SH2B1: variants seen among roughly 807,000 people sequenced by gnomAD.
SH2B1 encodes the protein SH2B adaptor protein 1, also known as SH2B adapter protein 1.
A neutral mutation model predicts 62.6 loss-of-function variants in SH2B1; 15 were observed. That is an observed-to-expected ratio of 0.24 (90% confidence interval 0.16 to 0.37). SH2B1 has a LOEUF of 0.37. SH2B1 is among the 10% of genes least tolerant of loss of function. SH2B1 has a pLI of 1.00. For synonymous variants in SH2B1, 443 were observed against 438.0 expected, an observed-to-expected ratio of 1.01 and a Z score of -0.14; for missense variants, 925 against 1,015.6, an observed-to-expected ratio of 0.91 and a Z score of 1.21.
intron 1 of SH2B1, 80 bp downstream of exon 1, chr16:28,867,113 G>A: frequency 6.4e-7 from 1 of 1,574,254 alleles, no homozygotes; most frequent in Non-Finnish European, 8.6e-7. Flanking sequence ...GATAAGCTCT[G>A]GGGTTTACCA....
rs1048129950 is a variant in SH2B1, at chr16:28,865,353, C to T, written c.-742C>T. Reference sequence around the variant, plus strand: ...TTTCAAGACAATTACTGTTTTGGTCCATCATGCATCCATCCTCATTAATGA... The same window carrying T: ...TTTCAAGACAATTACTGTTTTGGTCTATCATGCATCCATCCTCATTAATGA... On this transcript the variant is annotated 5_prime_UTR_variant, in exon 1 of 8. Transcript: ENST00000684370. 3 of 985,542 alleles carry T rather than the reference C, an allele frequency of 3.0e-6. No homozygotes were observed. Among genetic ancestry groups the T allele is most frequent in the South Asian group, 4.7e-5 (1 of 21,294 alleles). The allele number at this position is 985,542 out of a possible 1,614,324, so 61.0% of individuals were successfully genotyped here.
chr16:28,863,651 T>A, upstream of SH2B1: 2 of 1,529,984 alleles, frequency 1.3e-6, no homozygotes, highest in Non-Finnish European at 1.8e-6. Flanking sequence ...CCCCGCTGCG[T>A]CTGTGGTCGC....
upstream of SH2B1, among the ~76,000 whole-genome samples, chr16:28,860,533 G>A (rs1003535994): frequency 2.0e-5 from 3 of 151,556 alleles, no homozygotes; most frequent in Non-Finnish European, 4.4e-5. Flanking sequence ...GGGAGCCACC[G>A]TGCCCAGCCT....
chr16:28,872,875 C>A lies in SH2B1; in HGVS notation c.1897+170C>A, dbSNP rs149143673. ...TCGGGGTTTGGAAGGGAAAGAAATG[C>A]GCTGATAGGACACAGGAAGGCAGAA... On this transcript the variant is annotated intron_variant, in intron 7 of 7. Transcript: ENST00000684370. The surrounding 1 kb of genome is among the most constrained non-coding windows in gnomAD (Gnocchi z 5.3). 8.7e-6 allele frequency: 8 copies of A among 922,850 alleles called. No homozygotes were observed. The highest frequency in any genetic ancestry group is 1.3e-5 in the Non-Finnish European group (8 of 599,396). 57.2% of individuals were successfully genotyped at this position (922,850 alleles called of 1,614,324 possible).
Position 28,872,826 on chromosome 16 carries a change from C to G in SH2B1, c.1897+121C>G. The stretch of plus-strand genomic sequence containing the variant: ...CAAGGAGAAGCTTTGCTTGGGAGAG[C>G]AGGGTAGAGGAGGCTGTTGTGCCTC... On this transcript the variant is annotated intron_variant, in intron 7 of 7. Coordinates refer to ENST00000684370, the MANE Select transcript of SH2B1 (RefSeq NM_001387430.1). The surrounding 1 kb of genome is among the most constrained non-coding windows in gnomAD (Gnocchi z 5.3). 1 of 1,326,706 alleles carries G rather than the reference C, an allele frequency of 7.5e-7. No individual in the cohort carries two copies. The highest frequency in any genetic ancestry group is 1.1e-6 in the Non-Finnish European group (1 of 942,810). The allele number at this position is 1,326,706 out of a possible 1,614,324, so 82.2% of individuals were successfully genotyped here.
intron 1 of SH2B1, among the ~76,000 whole-genome samples, chr16:28,850,898 G>T (rs953510943): frequency 2.0e-5 from 3 of 150,456 alleles, no homozygotes; most frequent in Non-Finnish European, 3.0e-5. Context: ...AAAAGGGCCG[G>T]ACGTGGTGGC....
upstream of SH2B1, chr16:28,863,720 T>G: frequency 6.5e-7 from 1 of 1,535,776 alleles, no homozygotes; most frequent in African/African-American, 1.4e-5. Context: ...GTCTTCGGTC[T>G]CCTGGGGTCG....
rs1428985774 is a variant in SH2B1 at position 28,865,926 on chromosome 16, C to T, written c.-169C>T. 10 of 1,416,026 alleles carry T rather than the reference C, an allele frequency of 7.1e-6. No individual in the cohort carries two copies. The East Asian group carries it at 1.6e-4, about 22-fold the overall frequency. The allele number at this position is 1,416,026 out of a possible 1,614,324, so 87.7% of individuals were successfully genotyped here. A position where few individuals can be genotyped will look rare whatever the true frequency, so the allele number is the denominator to read the frequency against. ...CTCTCTGCGGAGTCTGAAGTAGGGT[C>T]GGACGTCTCTGGCTGGGGGTGGGAT... On this transcript the variant is annotated 5_prime_UTR_variant, in exon 1 of 8. Transcript: ENST00000684370.
chr16:28,872,135 G>C lies in SH2B1; in HGVS notation c.1514-55G>C. On this transcript the variant is annotated intron_variant, in intron 5 of 7. Coordinates refer to ENST00000684370, the MANE Select transcript of SH2B1 (RefSeq NM_001387430.1). This position sits in a 1 kb window ranked among gnomAD's most constrained non-coding sequence, Gnocchi z 5.3. ...GGGAAGGCAAGGCTTTTTTCTCCCA[G>C]GATGGGGGAGGCTGCCCTGACACCC... 1 of 1,553,756 alleles carries C rather than the reference G, an allele frequency of 6.4e-7. No homozygotes were observed. The highest frequency in any genetic ancestry group is 1.1e-5 in the South Asian group (1 of 88,508).
At chr16:28,867,537 C>T in intron 2 of SH2B1, 105 bp downstream of exon 2, 1 of 816,970 alleles carries the variant, frequency 1.2e-6, no homozygotes, top group Non-Finnish European at 2.1e-6. Context: ...TATATGTGTC[C>T]AGTGCCTTGA....
chr16:28,859,376 T>A (rs1478594221), upstream of SH2B1, among the ~76,000 whole-genome samples: 2 of 152,194 alleles, frequency 1.3e-5, no homozygotes, highest in African/African-American at 2.4e-5. Context: ...GATAAATTCC[T>A]TATTAAATGA....
chr16:28,872,477 G>T lies in SH2B1; in HGVS notation c.1726-57G>T. 11 of 1,578,330 alleles carry T rather than the reference G, an allele frequency of 7.0e-6. No individual in the cohort carries two copies. The highest frequency in any genetic ancestry group is 9.5e-6 in the Non-Finnish European group (11 of 1,158,440). On this transcript the variant is annotated intron_variant, in intron 6 of 7. Coordinates refer to ENST00000684370, the MANE Select transcript of SH2B1 (RefSeq NM_001387430.1). The surrounding 1 kb of genome is among the most constrained non-coding windows in gnomAD (Gnocchi z 5.3). ...GTGGGGGAGCACTGCCGGGGGAGGGGGTTTGTACCTGGCAGGGCCTTTGCC... is the reference window on the plus strand; with the variant it reads ...GTGGGGGAGCACTGCCGGGGGAGGGTGTTTGTACCTGGCAGGGCCTTTGCC...
chr16:28,856,316 T>G (rs1037464107), intron 1 of SH2B1, among the ~76,000 whole-genome samples: 1 of 150,934 alleles, frequency 6.6e-6, no homozygotes, highest in African/African-American at 2.4e-5. Flanking sequence ...AAGTGCCTAA[T>G]ACTTAAGTGA....
chr16:28,851,364 A>C (rs879718781), intron 1 of SH2B1, among the ~76,000 whole-genome samples: 9 of 150,950 alleles, frequency 6.0e-5, no homozygotes, highest in Non-Finnish European at 1.3e-4. Context: ...CTCTGTCAAC[A>C]CTGTGGTTCA....
chr16:28,873,503 C>A lies in SH2B1; in HGVS notation c.1954C>A (p.Pro652Thr). The change falls in exon 8 of 8, where the codon CCC (proline) becomes ACC (threonine). Residue 652 changes from proline to threonine, a missense_variant. Pro to Thr is a conservative substitution (Grantham distance 38). This residue lies in a region of SH2B1 where 185 missense variants were observed against 189.5 expected (regional missense o/e 0.98). Coordinates refer to ENST00000684370, the MANE Select transcript of SH2B1 (RefSeq NM_001387430.1). The surrounding 1 kb of genome is among the most constrained non-coding windows in gnomAD (Gnocchi z 4.2). ...QPPEPPSWTD[P>T]PQPGAEEASR... Reference sequence around the variant, plus strand: ...CCCTGAACCCCCTTCATGGACAGATCCCCCACAGCCTGGGGCAGAAGAGGC... The same window carrying A: ...CCCTGAACCCCCTTCATGGACAGATACCCCACAGCCTGGGGCAGAAGAGGC... 6.3e-7 allele frequency: 1 copy of A among 1,584,022 alleles called. No homozygotes were observed. Among genetic ancestry groups the A allele is most frequent in the Non-Finnish European group, 8.6e-7 (1 of 1,166,196 alleles).
chr16:28,863,518 G>A (rs1962521896), upstream of SH2B1: 2 of 645,628 alleles, frequency 3.1e-6, no homozygotes, highest in Non-Finnish European at 5.1e-6. Flanking sequence ...GTGCTCGGCG[G>A]CTACTCTAGC....
Position 28,866,522 on chromosome 16 carries a change from C to T in SH2B1, c.428C>T (p.Thr143Ile), listed in dbSNP as rs112709391. The T allele has an allele frequency of 4.3e-6, 7 of 1,614,072 alleles. No individual in the cohort carries two copies. Among genetic ancestry groups the T allele is most frequent in the Non-Finnish European group, 5.9e-6 (7 of 1,180,018 alleles). Residue 143 changes from threonine (T) to isoleucine (I), a missense_variant, in exon 1 of 8, where the codon ACC (threonine) becomes ATC (isoleucine). Coordinates refer to ENST00000684370, the MANE Select transcript of SH2B1 (RefSeq NM_001387430.1). The surrounding 1 kb of genome is among the most constrained non-coding windows in gnomAD (Gnocchi z 6.3). ...TCCTCAGTCTCTTCCTCCTCTACAA[C>T]CTCCTCCAAGCCGAAGCTCAAGAAG... is the stretch of plus-strand genomic sequence containing the variant. ...LPSSVSSSST[T>I]SSKPKLKKRF...
At position 28,873,715 on chromosome 16, in the gene SH2B1, C is replaced by CG. The variant is rs1567473427; in HGVS notation, c.2167dup (p.Ala723GlyfsTer17). 6.7e-7 allele frequency: 1 copy of CG among 1,497,630 alleles called. No individual in the cohort carries two copies. Among genetic ancestry groups the CG allele is most frequent in the South Asian group, 1.3e-5 (1 of 75,718 alleles). 92.8% of individuals were successfully genotyped at this position (1,497,630 alleles called of 1,614,324 possible). A position where few individuals can be genotyped will look rare whatever the true frequency, so the allele number is the denominator to read the frequency against. On this transcript the variant is annotated frameshift_variant, in exon 8 of 8. Transcript: ENST00000684370. LOFTEE classifies it high-confidence loss of function. This position sits in a 1 kb window ranked among gnomAD's most constrained non-coding sequence, Gnocchi z 4.2. ...CCCAGGGCGCTGGGTCTGGTGGGGACGCGGGGGTGCCCCCAATGGTGCAGC... is the reference window on the plus strand; with the variant it reads ...CCCAGGGCGCTGGGTCTGGTGGGGACGGCGGGGGTGCCCCCAATGGTGCAGC...
In SH2B1 at chr16:28,852,027, A is replaced by C. The variant is rs552354093; in HGVS notation, c.-301+5200A>C. On this transcript the variant is annotated intron_variant, in intron 1 of 10. Transcript: ENST00000322610. The stretch of plus-strand genomic sequence containing the variant: ...GGTTGCAGTGAGCCGAGATTGTGCC[A>C]CTGCACTCCAACCTGGGCGACAGAG... 6.0e-5 allele frequency among the ~76,000 whole-genome samples: 9 copies of C among 149,710 alleles called. No individual in the cohort carries two copies. The East Asian group carries it at 1.8e-3, about 30-fold the overall frequency.
Sources: allele counts gnomAD v4.1 joint callset (sites outside exome capture counted in the v4.1 genomes callset), GRCh38; gene constraint gnomAD v4.1.1; regional missense constraint gnomAD v4.1.1; non-coding constraint Gnocchi (gnomAD v3.1); transcripts MANE v1.5; gene names NCBI Gene and HGNC (gene_info 2026-07-23, HGNC 2026-07-21).